SORBS2: variants seen among roughly 807,000 people sequenced by gnomAD.
The protein encoded by SORBS2 is sorbin and SH3 domain-containing protein 2.
SORBS2 carries 46 observed loss-of-function variants against 97.7 expected under a neutral mutation model. The ratio of observed to expected loss-of-function variants is 0.47; its 90% CI spans 0.37 to 0.60. The LOEUF (loss-of-function observed/expected upper bound fraction) is 0.60, where lower values mean the gene tolerates loss of function less well. Among genes scored for constraint, SORBS2 ranks in the 20% least tolerant of loss-of-function variants. The pLI, the probability that SORBS2 is intolerant of heterozygous loss-of-function variation, is 0.00. For synonymous variants in SORBS2, 476 were observed against 473.4 expected (o/e 1.01, Z -0.07); for missense variants, 1,316 against 1,282.3 (o/e 1.03, Z -0.40).
intron 2 of SORBS2, among the ~76,000 whole-genome samples, chr4:185,706,721 A>G (rs2098347218): frequency 6.6e-6 from 1 of 152,088 alleles, no homozygotes; most frequent in South Asian, 2.1e-4. Context: ...ATATAATTTC[A>G]TTGTATTTAT....
chr4:185,837,156 A>G (rs1214883541), intron 1 of SORBS2, among the ~76,000 whole-genome samples: 1 of 152,190 alleles, frequency 6.6e-6, no homozygotes, highest in Non-Finnish European at 1.5e-5. Context: ...AAATCTAAGT[A>G]AACTTGCTCC....
chr4:185,913,814 G>A (rs1237941189), intron 1 of SORBS2, among the ~76,000 whole-genome samples: 1 of 152,044 alleles, frequency 6.6e-6, no homozygotes, highest in African/African-American at 2.4e-5. Context: ...TGTAATCCCA[G>A]GAAAATAAAT....
At chr4:185,614,767 C>T in intron 11 of SORBS2, 64 bp downstream of exon 23, 1 of 1,573,160 alleles carries the variant, frequency 6.4e-7, no homozygotes. Flanking sequence ...AAATATACAG[C>T]CTTTTCAAAC....
chr4:185,622,566 G>A (rs553213180), intron 7 of SORBS2, among the ~76,000 whole-genome samples: 1 of 152,116 alleles, frequency 6.6e-6, no homozygotes, highest in African/African-American at 2.4e-5. Context: ...GCTATTTGTG[G>A]AACTATAGGT....
At chr4:185,670,148 G>C (rs922457742) in intron 4 of SORBS2, among the ~76,000 whole-genome samples, 1 of 151,208 alleles carries the variant, frequency 6.6e-6, no homozygotes, top group Non-Finnish European at 1.5e-5. Flanking sequence ...GAACCTGGGA[G>C]GTGGAGGTTG....
At chr4:185,848,795 A>G (rs940998424) in intron 1 of SORBS2, among the ~76,000 whole-genome samples, 6 of 151,726 alleles carry the variant, frequency 4.0e-5, no homozygotes, top group Non-Finnish European at 8.8e-5. Context: ...TTCTTGACAT[A>G]GTTTGAGCCT....
At chr4:185,717,049 G>C (rs2098471157) in intron 2 of SORBS2, among the ~76,000 whole-genome samples, 1 of 152,192 alleles carries the variant, frequency 6.6e-6, no homozygotes, top group South Asian at 2.1e-4. Context: ...TCCGAGCTTA[G>C]GACACTTTAG....
chr4:185,920,349 A>T (rs1371731930), intron 1 of SORBS2, among the ~76,000 whole-genome samples: 1 of 152,208 alleles, frequency 6.6e-6, no homozygotes, highest in Non-Finnish European at 1.5e-5. Flanking sequence ...AGGTTTGTGT[A>T]CTTGCATTTG....
chr4:185,722,904 T>C (rs1426562410), intron 2 of SORBS2, among the ~76,000 whole-genome samples: 1 of 152,188 alleles, frequency 6.6e-6, no homozygotes, highest in Non-Finnish European at 1.5e-5. Flanking sequence ...CAGAGCTGTA[T>C]TCATGTCATC....
At chr4:185,762,084 C>G (rs1190961011) in intron 2 of SORBS2, among the ~76,000 whole-genome samples, 1 of 152,046 alleles carries the variant, frequency 6.6e-6, no homozygotes, top group Non-Finnish European at 1.5e-5. Flanking sequence ...AAATCCTAGT[C>G]AAGGATGTTG....
intron 12 of SORBS2, among the ~76,000 whole-genome samples, chr4:185,594,277 T>C (rs1580482108): frequency 6.6e-6 from 1 of 152,204 alleles, no homozygotes; most frequent in South Asian, 2.1e-4. Context: ...ATAGGAAATA[T>C]AGACACCTTC....
chr4:185,854,823 G>GAGAGAGAGAGAGCC (rs1561237598), intron 1 of SORBS2, among the ~76,000 whole-genome samples: 6 of 152,132 alleles, frequency 3.9e-5, no homozygotes, highest in African/African-American at 1.4e-4. Flanking sequence ...GAGAGCCTTA[G>GAGAGAGAGAGAGCC]TTAGTTTACT....
intron 4 of SORBS2, among the ~76,000 whole-genome samples, chr4:185,632,169 A>G (rs556353913): frequency 7.4e-4 from 113 of 152,258 alleles, no homozygotes; most frequent in Non-Finnish European, 1.5e-3. Flanking sequence ...TTCTGTATGT[A>G]TATCAGTCTT....
chr4:185,798,317 T>C (rs189582004), intron 1 of SORBS2, among the ~76,000 whole-genome samples: 1 of 152,386 alleles, frequency 6.6e-6, no homozygotes, highest in East Asian at 1.9e-4. Flanking sequence ...AAATAACTTT[T>C]GCTCAATATC....
chr4:185,661,725 C>A (rs963908903), upstream of SORBS2, among the ~76,000 whole-genome samples: 1 of 152,168 alleles, frequency 6.6e-6, no homozygotes, highest in Non-Finnish European at 1.5e-5. Flanking sequence ...ACGATTCTCC[C>A]TTATATAGAC....
intron 1 of SORBS2, among the ~76,000 whole-genome samples, chr4:185,904,390 G>T (rs753787959): frequency 5.3e-5 from 8 of 152,216 alleles, no homozygotes; most frequent in Admixed American, 3.3e-4. Context: ...GGATGGACTT[G>T]AAAGCTGGAC....
intron 2 of SORBS2, among the ~76,000 whole-genome samples, chr4:185,683,067 G>C (rs550490054): frequency 2.8e-4 from 43 of 151,414 alleles, no homozygotes; most frequent in African/African-American, 1.0e-3. Flanking sequence ...CTTACTTTAC[G>C]TCTAATTGAC....
chr4:185,826,131 A>T (rs148459781), intron 1 of SORBS2, among the ~76,000 whole-genome samples: 44 of 152,322 alleles, frequency 2.9e-4, no homozygotes, highest in African/African-American at 1.0e-3. Flanking sequence ...TGAAATGTGG[A>T]CTCAGACAAA....
intron 4 of SORBS2, among the ~76,000 whole-genome samples, chr4:185,631,339 C>T: frequency 6.6e-6 from 1 of 152,262 alleles, no homozygotes; most frequent in South Asian, 2.1e-4. Context: ...AGATAGTAAG[C>T]AAAAATGATA....
Sources: gnomAD v4.1 joint callset for allele counts (sites outside exome capture counted in the v4.1 genomes callset) on GRCh38, gnomAD v4.1.1 for gene constraint, MANE v1.5 for transcripts, NCBI Gene and HGNC (gene_info 2026-07-23, HGNC 2026-07-21) for gene names.